The following ROBO2 variants were observed in gnomAD, a reference collection of about 807,000 sequenced individuals.
The protein encoded by ROBO2 is roundabout guidance receptor 2, also known as roundabout homolog 2.
A neutral mutation model predicts 160.8 loss-of-function variants in ROBO2; 53 were observed. That is an observed-to-expected ratio of 0.33 (90% CI 0.26 to 0.41). The LOEUF is 0.41. ROBO2 is among the 10% of genes least tolerant of loss of function. The pLI, the probability that ROBO2 is intolerant of heterozygous loss-of-function variation, is 1.00. For synonymous variants in ROBO2, 664 were observed against 611.7 expected, an observed-to-expected ratio of 1.09 and a Z score of -1.26; for missense variants, 1,577 against 1,722.4, an observed-to-expected ratio of 0.92 and a Z score of 1.49.
chr3:76,624,796 CAAAAAAAAAAAAAAAAAA>C (rs57920315), intron 2 of ROBO2, among the ~76,000 whole-genome samples: 7 of 46,292 alleles, frequency 1.5e-4, no homozygotes, highest in South Asian at 1.3e-3. Context: ...GACTCCGTCT[CAAAAAAAAAAAAAAAAAA>C]AAAAAAAAAA....
At chr3:77,286,099 C>T (rs1434872437) in intron 2 of ROBO2, among the ~76,000 whole-genome samples, 5 of 152,046 alleles carry the variant, frequency 3.3e-5, no homozygotes, top group African/African-American at 1.2e-4. Flanking sequence ...ATGCATATAG[C>T]AGTGTGTTTT....
At chr3:76,916,293 G>T (rs1295864619) in intron 2 of ROBO2, among the ~76,000 whole-genome samples, 1 of 152,202 alleles carries the variant, frequency 6.6e-6, no homozygotes, top group African/African-American at 2.4e-5. Flanking sequence ...ACGTCTGAGT[G>T]AAGAAAATGA....
chr3:77,017,380 A>C (rs2149490177), intron 2 of ROBO2, among the ~76,000 whole-genome samples: 1 of 152,348 alleles, frequency 6.6e-6, no homozygotes, highest in South Asian at 2.1e-4. Context: ...ATTTGTTAAA[A>C]GATTATTTGA....
chr3:76,292,241 C>T (rs896077785), intron 2 of ROBO2, among the ~76,000 whole-genome samples: 1 of 152,156 alleles, frequency 6.6e-6, no homozygotes, highest in Middle Eastern at 3.2e-3. Flanking sequence ...TCAAAGTCTG[C>T]TGTGCTAAAT....
chr3:77,324,925 G>A (rs1393301067), intron 2 of ROBO2, among the ~76,000 whole-genome samples: 1 of 152,076 alleles, frequency 6.6e-6, no homozygotes, highest in Non-Finnish European at 1.5e-5. Flanking sequence ...CAGCCAATGT[G>A]CCACCTTAGA....
At chr3:76,685,051 A>C (rs1330801081) in intron 2 of ROBO2, among the ~76,000 whole-genome samples, 1 of 152,006 alleles carries the variant, frequency 6.6e-6, no homozygotes, top group African/African-American at 2.4e-5. Context: ...AAGTCTCTAC[A>C]TAGGACATTT....
At chr3:76,238,720 A>T (rs1334540251) in intron 2 of ROBO2, among the ~76,000 whole-genome samples, 1 of 151,668 alleles carries the variant, frequency 6.6e-6, no homozygotes, top group Non-Finnish European at 1.5e-5. Context: ...CCCCCTAGAC[A>T]TGAGGGGATT....
chr3:76,957,972 G>A (rs1183452127), intron 2 of ROBO2, among the ~76,000 whole-genome samples: 2 of 152,202 alleles, frequency 1.3e-5, no homozygotes, highest in African/African-American at 2.4e-5. Context: ...CCCAGTGAAA[G>A]AGTCCTTTCC....
At chr3:77,388,092 C>G (rs2074323084) in intron 2 of ROBO2, among the ~76,000 whole-genome samples, 1 of 152,020 alleles carries the variant, frequency 6.6e-6, no homozygotes, top group Non-Finnish European at 1.5e-5. Flanking sequence ...TAGTTATACT[C>G]TCTTAATATC....
intron 2 of ROBO2, among the ~76,000 whole-genome samples, chr3:76,065,750 T>C (rs62267255): frequency 7.7e-5 from 11 of 142,502 alleles, no homozygotes; most frequent in African/African-American, 2.4e-4. Context: ...TATATATATA[T>C]ATACACACAC....
chr3:76,494,598 G>GT (rs2080035229), intron 2 of ROBO2, among the ~76,000 whole-genome samples: 3 of 152,200 alleles, frequency 2.0e-5, no homozygotes, highest in Admixed American at 1.3e-4. Context: ...TCCATATGGG[G>GT]TTTTTATCTC....
chr3:76,603,347 AAAAAATAT>A (rs1173999213), intron 2 of ROBO2, among the ~76,000 whole-genome samples: 7 of 45,058 alleles, frequency 1.6e-4, no homozygotes, highest in African/African-American at 7.2e-4. Flanking sequence ...AAAAAAAAAA[AAAAAATAT>A]ATATATATAT....
At chr3:76,760,460 T>C (rs2597236) in intron 2 of ROBO2, among the ~76,000 whole-genome samples, 127,907 of 151,578 alleles carry the variant, frequency 0.84, 54,086 homozygotes, top group African/African-American at 0.87. Flanking sequence ...ACTTCTTCTA[T>C]AGCCAACCTC....
Position 77,379,880 on chromosome 3 carries a change from G to A in ROBO2, c.389-97534G>A, listed in dbSNP as rs1047007336. On this transcript the variant is annotated intron_variant, in intron 2 of 25. Coordinates refer to ENST00000461745, the Ensembl canonical transcript of ROBO2. ...CTCCATTCACCTTTCTAGTTCCCCC[G>A]AGAGAGTCTCAATCCCATGTCAACT... Among the ~76,000 whole-genome samples the A allele has an allele frequency of 5.1e-4, 78 of 151,994 alleles. 1 individual carries two copies. Among genetic ancestry groups the A allele is most frequent in the Middle Eastern group, 6.8e-3 (2 of 294 alleles).
chr3:77,220,047 G>A (rs543332853), intron 2 of ROBO2, among the ~76,000 whole-genome samples: 1 of 151,932 alleles, frequency 6.6e-6, no homozygotes, highest in African/African-American at 2.4e-5. Flanking sequence ...GTCTCACTCT[G>A]TTGCCCAGGC....
chr3:77,186,041 AG>A (rs2081255958), intron 2 of ROBO2, among the ~76,000 whole-genome samples: 1 of 151,966 alleles, frequency 6.6e-6, no homozygotes, highest in Non-Finnish European at 1.5e-5. Context: ...AAGGATGGAA[AG>A]GGGATGAAGG....
intron 2 of ROBO2, among the ~76,000 whole-genome samples, chr3:76,688,089 G>A (rs1327743735): frequency 1.3e-5 from 2 of 152,014 alleles, no homozygotes; most frequent in Admixed American, 1.3e-4. Context: ...ATCGATGACT[G>A]AAGATTGAAT....
chr3:76,295,537 T>G lies in ROBO2; in HGVS notation c.109+357935T>G, dbSNP rs1709025585. The stretch of plus-strand genomic sequence containing the variant: ...TGAAAATCTTCTTCTGTACAGTGGA[T>G]TTACAAAAAAACTGTTCTTTATGGC... On this transcript the variant is annotated intron_variant, in intron 2 of 26. Coordinates refer to the ROBO2 transcript ENST00000487694. Among the ~76,000 whole-genome samples, 3 of 152,154 alleles carry G rather than the reference T, an allele frequency of 2.0e-5. No individual in the cohort carries two copies. In the South Asian group the frequency reaches 6.2e-4, roughly 32 times the overall value.
intron 2 of ROBO2, among the ~76,000 whole-genome samples, chr3:77,384,653 T>G (rs1036930694): frequency 1.3e-5 from 2 of 152,200 alleles, no homozygotes; most frequent in African/African-American, 4.8e-5. Flanking sequence ...TGATACTCAA[T>G]GAACGTCATT....
Sources: allele counts gnomAD v4.1 joint callset (sites outside exome capture counted in the v4.1 genomes callset), GRCh38; gene constraint gnomAD v4.1.1; transcripts MANE v1.5; gene names NCBI Gene and HGNC (gene_info 2026-07-23, HGNC 2026-07-21).